TBC1D32: variants seen among roughly 807,000 people sequenced by gnomAD.
TBC1D32 encodes protein broad-minded.
A neutral mutation model predicts 170.3 loss-of-function variants in TBC1D32; 151 were observed. That is an observed-to-expected ratio of 0.89 (90% CI 0.78 to 1.01). TBC1D32 has a LOEUF of 1.01. TBC1D32 is among the 50% of genes least tolerant of loss of function. The pLI is 0.00. For synonymous variants in TBC1D32, 498 were observed against 488.0 expected, an observed-to-expected ratio of 1.02 and a Z score of -0.27; for missense variants, 1,464 against 1,457.1, an observed-to-expected ratio of 1.00 and a Z score of -0.08.
intron 15 of TBC1D32, among the ~76,000 whole-genome samples, chr6:121,271,137 C>G (rs1446705542): frequency 6.6e-6 from 1 of 152,096 alleles, no homozygotes; most frequent in Non-Finnish European, 1.5e-5. Flanking sequence ...CTATTTATGA[C>G]AAACCCACAG....
intron 26 of TBC1D32, among the ~76,000 whole-genome samples, chr6:121,118,431 T>C (rs1042166815): frequency 6.6e-6 from 1 of 152,164 alleles, no homozygotes; most frequent in Non-Finnish European, 1.5e-5. Context: ...ATAAATGCAA[T>C]AGTTTCAAAA....
At chr6:121,161,133 G>A in intron 22 of TBC1D32, 77 bp from the exon 23 acceptor site, 1 of 1,139,412 alleles carries the variant, frequency 8.8e-7, no homozygotes, top group South Asian at 1.4e-5. Context: ...TCTCTGGATT[G>A]TAAAGAAAAA....
chr6:121,265,535 T>C (rs1185720513), intron 15 of TBC1D32, among the ~76,000 whole-genome samples: 2 of 151,868 alleles, frequency 1.3e-5, no homozygotes, highest in African/African-American at 2.4e-5. Context: ...ACCATTGACA[T>C]TCTTCACAGA....
At chr6:121,186,432 A>T (rs1379750531) in intron 22 of TBC1D32, among the ~76,000 whole-genome samples, 1 of 152,020 alleles carries the variant, frequency 6.6e-6, no homozygotes, top group Non-Finnish European at 1.5e-5. Context: ...CTTTAGATAT[A>T]AAAAAACAAA....
At chr6:121,146,567 C>G (rs1419061193) in intron 24 of TBC1D32, among the ~76,000 whole-genome samples, 2 of 152,090 alleles carry the variant, frequency 1.3e-5, no homozygotes, top group African/African-American at 2.4e-5. Context: ...ATTTTGAAAA[C>G]AGTCATCTAG....
chr6:121,256,375 C>A (rs1486965498), intron 15 of TBC1D32, 90 bp from the exon 16 acceptor site: 1 of 1,071,126 alleles, frequency 9.3e-7, no homozygotes, highest in African/African-American at 1.6e-5. Context: ...GTCACAAAAA[C>A]TTAGTCCTCC....
rs77503522 is a variant in TBC1D32, at chr6:121,095,354, A to G, written c.3466-4313T>C. Among the ~76,000 whole-genome samples, 688 of 152,302 alleles carry G rather than the reference A, an allele frequency of 4.5e-3. 3 individuals carry two copies. The highest frequency in any genetic ancestry group is 0.016 in the African/African-American group (666 of 41,576). On this transcript the variant is annotated intron_variant, in intron 30 of 31. Coordinates refer to ENST00000398212, the MANE Select transcript of TBC1D32 (RefSeq NM_152730.6). Reference sequence around the variant, plus strand: ...ATTATTCCTCCTTGTAACTAGAATTAAAAAACAATCTTCAAAGGTTCTCAT... The same window carrying G: ...ATTATTCCTCCTTGTAACTAGAATTGAAAAACAATCTTCAAAGGTTCTCAT...
Position 121,112,984 on chromosome 6 carries a change from G to A in TBC1D32, c.3169+78C>T, listed in dbSNP as rs990479415. The A allele has an allele frequency of 3.4e-5, 35 of 1,022,058 alleles. 1 individual carries two copies. Among genetic ancestry groups the A allele is most frequent in the Admixed American group, 6.9e-5 (3 of 43,638 alleles). 63.3% of individuals were successfully genotyped at this position (1,022,058 alleles called of 1,614,324 possible). On this transcript the variant is annotated intron_variant, in intron 28 of 31. Transcript: ENST00000398212. ...TAAAGTACTACTTTACTATAAATGT[G>A]TCAAGGTATATCATCAAAGAATCAT...
chr6:121,205,614 A>C (rs890272282), intron 21 of TBC1D32, among the ~76,000 whole-genome samples: 1 of 152,234 alleles, frequency 6.6e-6, no homozygotes, highest in African/African-American at 2.4e-5. Flanking sequence ...AGATTTTCTC[A>C]ATAGAGACTA....
At chr6:121,105,790 T>C (rs1387339822) in intron 30 of TBC1D32, among the ~76,000 whole-genome samples, 1 of 152,004 alleles carries the variant, frequency 6.6e-6, no homozygotes, top group Non-Finnish European at 1.5e-5. Flanking sequence ...AAAGCCTACA[T>C]GTCATACAGA....
At chr6:121,245,816 T>A (rs374761964) in intron 17 of TBC1D32, among the ~76,000 whole-genome samples, 2 of 151,450 alleles carry the variant, frequency 1.3e-5, no homozygotes, top group African/African-American at 4.8e-5. Flanking sequence ...TTCCCACAGA[T>A]GAAAAGAGGT....
chr6:121,323,588 A>T (rs565196094), intron 1 of TBC1D32, among the ~76,000 whole-genome samples: 2 of 152,286 alleles, frequency 1.3e-5, no homozygotes, highest in Non-Finnish European at 2.9e-5. Flanking sequence ...ATCTCTACTT[A>T]AACGAGGCTA....
intron 22 of TBC1D32, among the ~76,000 whole-genome samples, chr6:121,191,042 CATAT>C (rs56242809): frequency 0.92 from 138,831 of 150,658 alleles, 64,511 homozygotes; most frequent in Non-Finnish European, 0.98. Flanking sequence ...TGTGTGTATG[CATAT>C]ATATATATAT....
At chr6:121,110,044 G>T (rs556217099) in intron 29 of TBC1D32, among the ~76,000 whole-genome samples, 13 of 152,050 alleles carry the variant, frequency 8.5e-5, no homozygotes, top group Admixed American at 2.0e-4. Context: ...GAAGTCAGGA[G>T]ATCGAGACCA....
intron 1 of TBC1D32, among the ~76,000 whole-genome samples, chr6:121,322,236 T>C (rs1809833653): frequency 6.6e-6 from 1 of 152,160 alleles, no homozygotes; most frequent in African/African-American, 2.4e-5. Context: ...TTGTGTACAT[T>C]TTGAAAGTAG....
intron 15 of TBC1D32, among the ~76,000 whole-genome samples, chr6:121,278,307 C>T (rs537125794): frequency 4.5e-4 from 69 of 152,190 alleles, no homozygotes; most frequent in Non-Finnish European, 7.6e-4. Context: ...ATTCTACAGA[C>T]TGATATATCT....
chr6:121,174,793 G>A (rs937117381), intron 22 of TBC1D32, among the ~76,000 whole-genome samples: 3 of 152,122 alleles, frequency 2.0e-5, no homozygotes, highest in African/African-American at 7.2e-5. Flanking sequence ...CATTTTGGGA[G>A]GCTGAAGCAG....
At chr6:121,253,877 A>C (rs949699076) in intron 17 of TBC1D32, among the ~76,000 whole-genome samples, 8 of 152,270 alleles carry the variant, frequency 5.3e-5, no homozygotes, top group Admixed American at 3.9e-4. Context: ...CAGCAATCCC[A>C]CTACTGGGTA....
intron 19 of TBC1D32, 130 bp from the exon 20 acceptor site, chr6:121,239,318 A>G (rs1796675199): frequency 2.1e-6 from 1 of 465,406 alleles, no homozygotes; most frequent in Admixed American, 3.3e-5. Context: ...TCTTATATAA[A>G]AAATAATCTC....
Sources: allele counts gnomAD v4.1 joint callset (sites outside exome capture counted in the v4.1 genomes callset), GRCh38; gene constraint gnomAD v4.1.1; transcripts MANE v1.5; gene names NCBI Gene and HGNC (gene_info 2026-07-23, HGNC 2026-07-21).